The following ZNF490 variants were observed in gnomAD, a reference collection of about 807,000 sequenced individuals.
ZNF490 encodes the protein zinc finger protein 490.
In ZNF490, 11 loss-of-function variants were observed where a neutral mutation model predicts 17.7. The ratio of observed to expected loss-of-function variants is 0.62; its 90% CI spans 0.39 to 1.03. ZNF490 has a LOEUF of 1.03. Among genes scored for constraint, ZNF490 ranks in the 50% least tolerant of loss-of-function variants. ZNF490 has a pLI of 0.00. For synonymous variants in ZNF490, 222 were observed against 216.1 expected (o/e 1.03, Z -0.24); for missense variants, 542 against 643.4 (o/e 0.84, Z 1.71).
chr19:12,594,049 G>A (rs181178956), intron 2 of ZNF490, among the ~76,000 whole-genome samples: 24 of 152,288 alleles, frequency 1.6e-4, no homozygotes, highest in African/African-American at 5.8e-4. Context: ...CCTAGTACAA[G>A]GTGATCATTG....
rs531553297 is a variant in ZNF490 at position 12,589,367 on chromosome 19, G to A, written c.163-5811C>T. On this transcript the variant is annotated intron_variant, in intron 2 of 4. Transcript: ENST00000311437. ...GCGAGACTCTGTCTCAAAAAAAATA[G>A]ATAGAGAAAAACCAACAAAACCAAA... Among the ~76,000 whole-genome samples the A allele has an allele frequency of 2.0e-5, 3 of 151,908 alleles. No homozygotes were observed. The East Asian group carries it at 5.8e-4, about 29-fold the overall frequency.
chr19:12,590,693 T>A (rs181728779), intron 2 of ZNF490, among the ~76,000 whole-genome samples: 12 of 152,270 alleles, frequency 7.9e-5, no homozygotes, highest in African/African-American at 2.6e-4. Context: ...CTGGAACCAA[T>A]AAGAGCAAGG....
chr19:12,607,191 A>T (rs2023078450), intron 2 of ZNF490, among the ~76,000 whole-genome samples: 1 of 151,384 alleles, frequency 6.6e-6, no homozygotes, highest in African/African-American at 2.4e-5. Context: ...TAAAAAATTT[A>T]AATTTTTTTT....
chr19:12,590,886 G>C (rs957400788), intron 2 of ZNF490, among the ~76,000 whole-genome samples: 2 of 150,542 alleles, frequency 1.3e-5, no homozygotes, highest in African/African-American at 4.9e-5. Flanking sequence ...CAAGACCAAT[G>C]TGGGCAACAT....
rs532352204 is a variant in ZNF490, at chr19:12,582,418, C to T, written c.350+432G>A. Among the ~76,000 whole-genome samples, 27 of 151,902 alleles carry T rather than the reference C, an allele frequency of 1.8e-4. No homozygotes were observed. In the East Asian group the frequency reaches 5.1e-3, roughly 29 times the overall value. On this transcript the variant is annotated intron_variant, in intron 4 of 4. Transcript: ENST00000311437. ...TGACAGTTTCTGTTGTTTTTTTAGA[C>T]GGAGTCTCGCTCTGTCACCAGGCTG...
At chr19:12,593,476 C>T (rs2145152801) in intron 2 of ZNF490, among the ~76,000 whole-genome samples, 1 of 152,222 alleles carries the variant, frequency 6.6e-6, no homozygotes, top group South Asian at 2.1e-4. Context: ...TCTCGAACTC[C>T]TGACCTCAAG....
At chr19:12,609,765 G>C in intron 1 of ZNF490, 2 of 304,284 alleles carry the variant, frequency 6.6e-6, no homozygotes. Flanking sequence ...TTACATATAA[G>C]TGGGAGCTAA....
chr19:12,591,228 A>G (rs998485199), intron 2 of ZNF490, among the ~76,000 whole-genome samples: 18 of 152,036 alleles, frequency 1.2e-4, no homozygotes, highest in Admixed American at 1.2e-3. Context: ...GTCTCTACTA[A>G]AAATACAAAA....
At chr19:12,584,880 T>C (rs2022795577) in intron 2 of ZNF490, among the ~76,000 whole-genome samples, 1 of 94,034 alleles carries the variant, frequency 1.1e-5, no homozygotes, top group African/African-American at 3.2e-5. Context: ...ATATTTATCA[T>C]AGGTTCAGTT....
At position 12,580,305 on chromosome 19, in the gene ZNF490, A is replaced by G. The variant is rs569226328; in HGVS notation, c.*180T>C. 1.1e-4 allele frequency: 153 copies of G among 1,411,118 alleles called. No individual in the cohort carries two copies. Among genetic ancestry groups the G allele is most frequent in the Non-Finnish European group, 1.3e-4 (146 of 1,086,848 alleles). The allele number at this position is 1,411,118 out of a possible 1,614,324, so 87.4% of individuals were successfully genotyped here. A position where few individuals can be genotyped will look rare whatever the true frequency, so the allele number is the denominator to read the frequency against. On this transcript the variant is annotated 3_prime_UTR_variant, in exon 5 of 5. Coordinates refer to ENST00000311437, the MANE Select transcript of ZNF490 (RefSeq NM_020714.3). ...TATCTGCAATCCCGCAGGAGAGTGC[A>G]AGTTCCTCCCCCATTTGTTAAATAT...
intron 2 of ZNF490, among the ~76,000 whole-genome samples, chr19:12,602,808 T>G (rs1457958467): frequency 6.6e-6 from 1 of 151,820 alleles, no homozygotes; most frequent in Non-Finnish European, 1.5e-5. Flanking sequence ...GTATTTTTAG[T>G]AGAAACAAGG....
chr19:12,578,500 AG>A lies in ZNF490; in HGVS notation c.*1984del, dbSNP rs1449621911. On this transcript the variant is annotated 3_prime_UTR_variant, in exon 5 of 5. Transcript: ENST00000311437. Reference sequence around the variant, plus strand: ...AAATTCAGATGTGAATGTTTAAACAAGTGTCCAAAGTGTAGGTTTGAGATGG... The same window carrying A: ...AAATTCAGATGTGAATGTTTAAACAATGTCCAAAGTGTAGGTTTGAGATGG... The A allele has an allele frequency of 2.0e-6, 2 of 985,336 alleles. No homozygotes were observed. Among genetic ancestry groups the A allele is most frequent in the East Asian group, 2.3e-4 (2 of 8,816 alleles). The allele number at this position is 985,336 out of a possible 1,614,324, so 61.0% of individuals were successfully genotyped here.
At chr19:12,598,580 G>A (rs1025816443) in intron 2 of ZNF490, among the ~76,000 whole-genome samples, 6 of 151,498 alleles carry the variant, frequency 4.0e-5, no homozygotes, top group Non-Finnish European at 7.4e-5. Context: ...CTCCATGTTG[G>A]TCAGGCTGGT....
Position 12,596,971 on chromosome 19 carries a change from G to A in ZNF490, c.162+12187C>T, listed in dbSNP as rs372835425. Among the ~76,000 whole-genome samples, 13 of 152,140 alleles carry A rather than the reference G, an allele frequency of 8.5e-5. No individual in the cohort carries two copies. In the East Asian group the frequency reaches 1.7e-3, roughly 20 times the overall value. ...GCCCAGCTGCCCGGAAAGGGCTCCG[G>A]GGCCGGGGCCGCAATCGCAGGGACG... On this transcript the variant is annotated intron_variant, in intron 2 of 4. Transcript: ENST00000311437.
At chr19:12,589,873 T>C (rs1157374078) in intron 2 of ZNF490, among the ~76,000 whole-genome samples, 1 of 133,260 alleles carries the variant, frequency 7.5e-6, no homozygotes, top group Non-Finnish European at 1.6e-5. Flanking sequence ...TCACCATTCA[T>C]GTATGTATGT....
At chr19:12,593,509 CA>C (rs1278386524) in intron 2 of ZNF490, among the ~76,000 whole-genome samples, 2 of 152,038 alleles carry the variant, frequency 1.3e-5, no homozygotes, top group Non-Finnish European at 2.9e-5. Flanking sequence ...CTCAGCCTCC[CA>C]AAATGCTGCA....
intron 2 of ZNF490, among the ~76,000 whole-genome samples, chr19:12,607,803 A>G (rs2023088145): frequency 6.6e-6 from 1 of 152,000 alleles, no homozygotes; most frequent in Non-Finnish European, 1.5e-5. Flanking sequence ...GCAGCAAATC[A>G]GTGGAGGCCA....
At chr19:12,583,754 GCGCTCTCTCTCTCTCTCTCT>G (rs1453462996) in intron 2 of ZNF490, among the ~76,000 whole-genome samples, 198 bp from the exon 3 acceptor site, 28 of 70,536 alleles carry the variant, frequency 4.0e-4, no homozygotes, top group Admixed American at 6.7e-4. Context: ...AAAAATTATT[GCGCTCTCTCTCTCTCTCTCT>G]CTCTCTCTCT....
At chr19:12,609,830 T>A (rs1351666064) in intron 1 of ZNF490, 2 of 414,714 alleles carry the variant, frequency 4.8e-6, no homozygotes, top group Admixed American at 6.3e-5. Context: ...GAGATGCCAA[T>A]AGGTTGGACA....
Sources: allele counts gnomAD v4.1 joint callset (sites outside exome capture counted in the v4.1 genomes callset), GRCh38; gene constraint gnomAD v4.1.1; transcripts MANE v1.5; gene names NCBI Gene and HGNC (gene_info 2026-07-23, HGNC 2026-07-21).